KCNMB4: variants seen among roughly 807,000 people sequenced by gnomAD.
KCNMB4 encodes potassium calcium-activated channel subfamily M regulatory beta subunit 4, also known as calcium-activated potassium channel subunit beta-4.
A neutral mutation model predicts 20.7 loss-of-function variants in KCNMB4; 3 were observed. That is an observed-to-expected ratio of 0.14 (90% CI 0.07 to 0.37). KCNMB4 has a LOEUF of 0.37. KCNMB4 is among the 10% of genes least tolerant of loss of function. The pLI, the probability that KCNMB4 is intolerant of heterozygous loss-of-function variation, is 1.00. For synonymous variants in KCNMB4, 110 were observed against 113.4 expected (o/e 0.97, Z 0.19); for missense variants, 168 against 265.9 (o/e 0.63, Z 2.56).
At chr12:70,398,167 G>C (rs1355732458) in intron 1 of KCNMB4, among the ~76,000 whole-genome samples, 2 of 151,984 alleles carry the variant, frequency 1.3e-5, no homozygotes, top group Non-Finnish European at 2.9e-5. Context: ...GCTTAGTCAG[G>C]GTTCCCAGCC....
intron 1 of KCNMB4, among the ~76,000 whole-genome samples, chr12:70,381,351 C>A (rs554008965): frequency 1.3e-5 from 2 of 152,120 alleles, no homozygotes; most frequent in Non-Finnish European, 2.9e-5. Context: ...TAAACAGTTG[C>A]CATGTGACCA....
chr12:70,419,867 ATAG>A lies in KCNMB4; in HGVS notation c.465-10616_465-10614del, dbSNP rs1376565594. Among the ~76,000 whole-genome samples, 6 of 152,352 alleles carry A rather than the reference ATAG, an allele frequency of 3.9e-5. No homozygotes were observed. In the East Asian group the frequency reaches 1.2e-3, roughly 29 times the overall value. ...TTAATGCTGTGGTTAGGAACAGCAGATAGTGGTGGAAATAGTGGAGATCTACCT... is the reference window on the plus strand; with the variant it reads ...TTAATGCTGTGGTTAGGAACAGCAGATGGTGGAAATAGTGGAGATCTACCT... On this transcript the variant is annotated intron_variant, in intron 2 of 2. Coordinates refer to ENST00000258111, the MANE Select transcript of KCNMB4 (RefSeq NM_014505.6).
At chr12:70,404,548 G>A (rs373530912) in intron 2 of KCNMB4, among the ~76,000 whole-genome samples, 3 of 152,212 alleles carry the variant, frequency 2.0e-5, no homozygotes, top group Non-Finnish European at 2.9e-5. Flanking sequence ...AATCCAGTTA[G>A]TCTGATTCCC....
chr12:70,378,521 A>T (rs1034089090), intron 1 of KCNMB4, among the ~76,000 whole-genome samples: 1 of 152,014 alleles, frequency 6.6e-6, no homozygotes, highest in African/African-American at 2.4e-5. Context: ...TATGAAGTGT[A>T]TTTTTTATTT....
chr12:70,406,748 G>T (rs1489585086), intron 2 of KCNMB4, among the ~76,000 whole-genome samples: 2 of 152,152 alleles, frequency 1.3e-5, no homozygotes, highest in Non-Finnish European at 2.9e-5. Flanking sequence ...ACTGCGTGTT[G>T]TAAGGGCTGC....
chr12:70,384,694 A>C (rs904623397), intron 1 of KCNMB4, among the ~76,000 whole-genome samples: 2 of 152,166 alleles, frequency 1.3e-5, no homozygotes, highest in Admixed American at 6.5e-5. Flanking sequence ...AGGCCAGCCT[A>C]GACAACATAG....
intron 1 of KCNMB4, among the ~76,000 whole-genome samples, chr12:70,380,769 A>G (rs1285683723): frequency 6.6e-6 from 1 of 152,206 alleles, no homozygotes; most frequent in Non-Finnish European, 1.5e-5. Flanking sequence ...GAATATCCAC[A>G]TGCCAAGGAA....
At chr12:70,376,892 G>T (rs1068676) in intron 1 of KCNMB4, among the ~76,000 whole-genome samples, 28,321 of 150,258 alleles carry the variant, frequency 0.19, 5,102 homozygotes, top group African/African-American at 0.47. Context: ...AAAGAAAAAA[G>T]AATGTAATTT....
At chr12:70,398,074 C>T (rs1280329184) in intron 1 of KCNMB4, among the ~76,000 whole-genome samples, 1 of 152,154 alleles carries the variant, frequency 6.6e-6, no homozygotes, top group Non-Finnish European at 1.5e-5. Flanking sequence ...TCATGGTTCT[C>T]TTGTGAACAT....
At chr12:70,394,166 C>A (rs1048695522) in intron 1 of KCNMB4, among the ~76,000 whole-genome samples, 2 of 152,096 alleles carry the variant, frequency 1.3e-5, no homozygotes, top group African/African-American at 4.8e-5. Flanking sequence ...CAGTACTCAG[C>A]AATCAAGAAT....
At chr12:70,422,559 C>G (rs1399338309) in intron 2 of KCNMB4, 1 of 466,336 alleles carries the variant, frequency 2.1e-6, no homozygotes, top group East Asian at 7.1e-5. Context: ...TGAAAATTCT[C>G]TTTCTGTTGT....
At chr12:70,393,277 A>T (rs1868316497) in intron 1 of KCNMB4, among the ~76,000 whole-genome samples, 1 of 152,038 alleles carries the variant, frequency 6.6e-6, no homozygotes, top group African/African-American at 2.4e-5. Context: ...ATCTCGGCTC[A>T]CTACAACCTC....
At chr12:70,369,814 T>C (rs1350181725) in intron 1 of KCNMB4, among the ~76,000 whole-genome samples, 1 of 152,238 alleles carries the variant, frequency 6.6e-6, no homozygotes, top group Non-Finnish European at 1.5e-5. Context: ...AATCATATCC[T>C]TATTGTCTAA....
At chr12:70,404,563 T>C (rs710649) in intron 2 of KCNMB4, among the ~76,000 whole-genome samples, 143,710 of 152,326 alleles carry the variant, frequency 0.94, 67,895 homozygotes, top group East Asian at 1. Context: ...ATTCCCAAAG[T>C]TCCCATCGAC....
chr12:70,421,594 A>C lies in KCNMB4; in HGVS notation c.465-8891A>C, dbSNP rs544193943. Among the ~76,000 whole-genome samples, 7 of 141,068 alleles carry C rather than the reference A, an allele frequency of 5.0e-5. No homozygotes were observed. The East Asian group carries it at 1.5e-3, about 31-fold the overall frequency. 92.5% of individuals were successfully genotyped at this position (141,068 alleles called of 152,430 possible). On this transcript the variant is annotated intron_variant, in intron 2 of 2. Coordinates refer to ENST00000258111, the MANE Select transcript of KCNMB4 (RefSeq NM_014505.6). Reference sequence around the variant, plus strand: ...AGGGTTTTTATTTATTTATTTATTTATTTTTGAGACAGAGTCTCGCTCTGT... The same window carrying C: ...AGGGTTTTTATTTATTTATTTATTTCTTTTTGAGACAGAGTCTCGCTCTGT...
chr12:70,381,606 A>G (rs1883787759), intron 1 of KCNMB4, among the ~76,000 whole-genome samples: 1 of 152,224 alleles, frequency 6.6e-6, no homozygotes, highest in Non-Finnish European at 1.5e-5. Flanking sequence ...TAAGTATAGG[A>G]AGCCAGCCAC....
intron 2 of KCNMB4, among the ~76,000 whole-genome samples, chr12:70,402,654 C>A (rs1384937957): frequency 8.9e-3 from 667 of 74,684 alleles, no homozygotes; most frequent in Middle Eastern, 0.02. Flanking sequence ...GACCCTGCCT[C>A]AAAAAAAAAA....
chr12:70,376,172 A>G (rs1445817810), intron 1 of KCNMB4, among the ~76,000 whole-genome samples: 2 of 151,502 alleles, frequency 1.3e-5, no homozygotes, highest in Non-Finnish European at 2.9e-5. Flanking sequence ...AAAACCAACA[A>G]ATTAGGAATA....
chr12:70,381,227 TA>T (rs1020792157), intron 1 of KCNMB4, among the ~76,000 whole-genome samples: 10 of 151,984 alleles, frequency 6.6e-5, no homozygotes, highest in African/African-American at 2.4e-4. Flanking sequence ...AGAATGGCTG[TA>T]AAAAAGACAA....
Sources: allele counts gnomAD v4.1 joint callset (sites outside exome capture counted in the v4.1 genomes callset), GRCh38; gene constraint gnomAD v4.1.1; transcripts MANE v1.5; gene names NCBI Gene and HGNC (gene_info 2026-07-23, HGNC 2026-07-21).